The following CTNNA3 variants were observed in gnomAD, a reference collection of about 807,000 sequenced individuals.
The protein encoded by CTNNA3 is catenin alpha-3.
A neutral mutation model predicts 95.7 loss-of-function variants in CTNNA3; 76 were observed. The ratio of observed to expected loss-of-function variants is 0.79; its 90% CI spans 0.66 to 0.96. The LOEUF is 0.96. Ranked by LOEUF, CTNNA3 falls within the 40% of genes least tolerant of loss-of-function variation. The pLI, the probability that CTNNA3 is intolerant of heterozygous loss-of-function variation, is 0.00. For missense variants in CTNNA3, 1,191 were observed against 1,089.8 expected, an observed-to-expected ratio of 1.09 and a Z score of -1.31; for synonymous variants, 431 against 374.4, an observed-to-expected ratio of 1.15 and a Z score of -1.74.
chr10:66,477,197 C>T (rs116674158), intron 11 of CTNNA3, among the ~76,000 whole-genome samples: 1 of 151,998 alleles, frequency 6.6e-6, no homozygotes, highest in Non-Finnish European at 1.5e-5. Flanking sequence ...TTTATTTCTA[C>T]AAATTTTCCT....
upstream of CTNNA3, among the ~76,000 whole-genome samples, chr10:67,700,467 A>G (rs1320744799): frequency 6.6e-6 from 1 of 152,194 alleles, no homozygotes; most frequent in Non-Finnish European, 1.5e-5. Flanking sequence ...TTCACGGTTC[A>G]CGAAAATCCG....
At chr10:66,291,041 C>T (rs1191973637) in intron 12 of CTNNA3, among the ~76,000 whole-genome samples, 1 of 152,028 alleles carries the variant, frequency 6.6e-6, no homozygotes, top group African/African-American at 2.4e-5. Flanking sequence ...AATATCTGAT[C>T]GTTTGGAAAT....
At chr10:67,348,340 A>G (rs2620934) in intron 5 of CTNNA3, among the ~76,000 whole-genome samples, 106,476 of 152,162 alleles carry the variant, frequency 0.7, 42,059 homozygotes, top group Non-Finnish European at 0.88. Context: ...CAAAGGAAAC[A>G]ATTGACAGGG....
chr10:66,900,896 A>G (rs1355025903), intron 7 of CTNNA3, among the ~76,000 whole-genome samples: 1 of 152,210 alleles, frequency 6.6e-6, no homozygotes, highest in Non-Finnish European at 1.5e-5. Context: ...CCAAATCTAC[A>G]TCTGATTGGT....
intron 13 of CTNNA3, among the ~76,000 whole-genome samples, chr10:66,178,440 T>TATATACAC (rs1231414006): frequency 6.6e-5 from 7 of 105,760 alleles, no homozygotes; most frequent in African/African-American, 2.5e-4. Flanking sequence ...TATATATATA[T>TATATACAC]ATACACACAC....
chr10:67,448,253 A>G (rs1472256866), intron 5 of CTNNA3, among the ~76,000 whole-genome samples: 1 of 152,238 alleles, frequency 6.6e-6, no homozygotes, highest in Non-Finnish European at 1.5e-5. Context: ...ATATATGAAT[A>G]AATGTTCCTG....
intron 5 of CTNNA3, among the ~76,000 whole-genome samples, chr10:67,305,373 A>T (rs990149120): frequency 6.7e-6 from 1 of 149,794 alleles, no homozygotes; most frequent in Non-Finnish European, 1.5e-5. Context: ...ATAAAAAAAA[A>T]AAATTAAAAA....
chr10:66,755,270 G>T (rs1839318681), intron 9 of CTNNA3, among the ~76,000 whole-genome samples: 1 of 152,162 alleles, frequency 6.6e-6, no homozygotes, highest in Non-Finnish European at 1.5e-5. Context: ...TGTAGAGATA[G>T]AAAGTAGGGC....
intron 5 of CTNNA3, among the ~76,000 whole-genome samples, chr10:67,225,784 A>G (rs7068315): frequency 0.31 from 47,128 of 151,974 alleles, 10,215 homozygotes; most frequent in African/African-American, 0.61. Flanking sequence ...GGAACCAGAA[A>G]AAAAAATCTG....
chr10:67,621,962 A>G (rs1259225681), intron 2 of CTNNA3, among the ~76,000 whole-genome samples: 1 of 152,172 alleles, frequency 6.6e-6, no homozygotes, highest in African/African-American at 2.4e-5. Context: ...AGTAGTTGCA[A>G]TAGAGACGCT....
intron 7 of CTNNA3, among the ~76,000 whole-genome samples, chr10:67,026,295 T>C (rs1435966771): frequency 2.6e-5 from 4 of 152,100 alleles, no homozygotes; most frequent in Admixed American, 6.6e-5. Flanking sequence ...AAAATACTTA[T>C]GACCATCTGG....
chr10:65,944,854 G>A (rs562218724), intron 17 of CTNNA3, among the ~76,000 whole-genome samples: 10 of 144,852 alleles, frequency 6.9e-5, no homozygotes, highest in Non-Finnish European at 1.1e-4. Context: ...GAAAATATCT[G>A]TCTATCTATC....
intron 5 of CTNNA3, among the ~76,000 whole-genome samples, chr10:67,409,873 C>T (rs1216768876): frequency 3.3e-5 from 5 of 152,092 alleles, no homozygotes; most frequent in East Asian, 1.9e-4. Context: ...CTGGAGAGGT[C>T]GTGGAGAAAG....
intron 7 of CTNNA3, among the ~76,000 whole-genome samples, chr10:67,027,368 G>T (rs576806259): frequency 6.6e-6 from 1 of 151,744 alleles, no homozygotes; most frequent in East Asian, 1.9e-4. Context: ...TTACTTTAAT[G>T]ACTCAGAAAA....
intron 12 of CTNNA3, among the ~76,000 whole-genome samples, chr10:66,284,182 G>T (rs2091544186): frequency 6.6e-6 from 1 of 151,810 alleles, no homozygotes; most frequent in Admixed American, 6.6e-5. Context: ...GAACTCTTTT[G>T]CAGCCTATAC....
At chr10:67,626,603 A>C (rs1838965133) in intron 2 of CTNNA3, among the ~76,000 whole-genome samples, 1 of 152,188 alleles carries the variant, frequency 6.6e-6, no homozygotes, top group South Asian at 2.1e-4. Flanking sequence ...TGAGAACCAC[A>C]ACAAAAAGGT....
At chr10:67,652,366 A>G (rs1345035037) in intron 1 of CTNNA3, among the ~76,000 whole-genome samples, 2 of 152,224 alleles carry the variant, frequency 1.3e-5, no homozygotes, top group Non-Finnish European at 2.9e-5. Flanking sequence ...GATTCCCAAG[A>G]AAGTTTCTGT....
intron 7 of CTNNA3, among the ~76,000 whole-genome samples, chr10:67,126,762 C>T (rs904441536): frequency 6.6e-6 from 1 of 152,140 alleles, no homozygotes; most frequent in Non-Finnish European, 1.5e-5. Flanking sequence ...GTGAATTCAT[C>T]TTTGTCCAAA....
intron 8 of CTNNA3, among the ~76,000 whole-genome samples, chr10:66,772,311 G>A (rs1450977019): frequency 1.3e-5 from 2 of 151,834 alleles, no homozygotes; most frequent in Non-Finnish European, 2.9e-5. Context: ...TGTAATCCCA[G>A]CTACTTAGGA....
Sources: allele counts gnomAD v4.1 joint callset (sites outside exome capture counted in the v4.1 genomes callset), GRCh38; gene constraint gnomAD v4.1.1; transcripts MANE v1.5; gene names NCBI Gene and HGNC (gene_info 2026-07-23, HGNC 2026-07-21).